The following DOCK9 variants were observed in gnomAD, a reference collection of about 807,000 sequenced individuals.
The protein encoded by DOCK9 is dedicator of cytokinesis 9.
DOCK9 carries 89 observed loss-of-function variants against 263.3 expected under a neutral mutation model. The ratio of observed to expected loss-of-function variants is 0.34; its 90% CI spans 0.28 to 0.40. The LOEUF is 0.40. Ranked by LOEUF, DOCK9 falls within the 10% of genes least tolerant of loss-of-function variation. The probability of loss-of-function intolerance (pLI) is 1.00; values close to 1 mark genes in which losing one functional copy is unlikely to be tolerated. For missense variants in DOCK9, 2,140 were observed against 2,603.4 expected, an observed-to-expected ratio of 0.82 and a Z score of 3.87; for synonymous variants, 976 against 973.1, an observed-to-expected ratio of 1.00 and a Z score of -0.06.
chr13:98,989,736 G>A (rs1879378788), intron 1 of DOCK9, among the ~76,000 whole-genome samples: 1 of 152,248 alleles, frequency 6.6e-6, no homozygotes, highest in Non-Finnish European at 1.5e-5. Context: ...TATTCCAAAT[G>A]CCATGGTAGA....
chr13:98,857,202 G>C (rs1006617371), intron 33 of DOCK9: 1 of 152,256 alleles, frequency 6.6e-6, no homozygotes, highest in Admixed American at 6.5e-5. Flanking sequence ...TCTGGCAGCT[G>C]TGAGCACACA....
chr13:98,848,580 G>A lies in DOCK9; in HGVS notation c.4061+12C>T, dbSNP rs748789425. 9.9e-6 allele frequency: 16 copies of A among 1,609,594 alleles called. No individual in the cohort carries two copies. The highest frequency in any genetic ancestry group is 8.4e-5 in the Admixed American group (5 of 59,588). ...AAAACAACACGTTTCGAATGAAAAC[G>A]CCCCACAGTACCTGGCTATGTATCG... On this transcript the variant is annotated intron_variant, in intron 37 of 52. Transcript: ENST00000682017.
chr13:99,026,318 G>T (rs971668013), intron 1 of DOCK9, among the ~76,000 whole-genome samples: 2 of 152,152 alleles, frequency 1.3e-5, no homozygotes, highest in African/African-American at 2.4e-5. Flanking sequence ...AAACAAGACA[G>T]CACATATCAG....
chr13:98,884,047 G>T, intron 21 of DOCK9, 148 bp from the exon 22 acceptor site: 1 of 593,958 alleles, frequency 1.7e-6, no homozygotes. Context: ...TGGCAGGAAT[G>T]CAGCTGATAC....
At chr13:99,086,285 G>C (rs1424390998) in exon 1 of DOCK9, 1 of 1,495,164 alleles carries the variant, frequency 6.7e-7, no homozygotes, top group East Asian at 2.9e-5. Context: ...GCCGTGCCCG[G>C]CTTACTCAGC....
intron 9 of DOCK9, among the ~76,000 whole-genome samples, chr13:98,913,711 C>T (rs1297978083): frequency 2.0e-5 from 3 of 151,968 alleles, no homozygotes; most frequent in South Asian, 2.1e-4. Flanking sequence ...CAACTATAAC[C>T]GATGTTTTAT....
At chr13:99,017,332 G>C (rs1302606183) in intron 1 of DOCK9, among the ~76,000 whole-genome samples, 2 of 152,194 alleles carry the variant, frequency 1.3e-5, no homozygotes, top group East Asian at 1.9e-4. Context: ...TTAAATGTCA[G>C]TTTTGAGAAT....
intron 32 of DOCK9, 102 bp from the exon 33 acceptor site, chr13:98,860,624 T>C: frequency 9.1e-7 from 1 of 1,097,130 alleles, no homozygotes; most frequent in Admixed American, 2.5e-5. Context: ...GACAGCCTGA[T>C]GCATTCAACG....
intron 1 of DOCK9, among the ~76,000 whole-genome samples, chr13:99,079,336 TTACAG>T (rs10604012): frequency 0.28 from 42,231 of 151,818 alleles, 6,217 homozygotes; most frequent in East Asian, 0.43. Context: ...GGGTGTGAAG[TTACAG>T]TGCCAAGCTT....
chr13:98,888,419 T>C lies in DOCK9; in HGVS notation c.1918A>G (p.Asn640Asp). Residue 640 changes from asparagine to aspartate, a missense_variant, in exon 17 of 53, where the codon AAT (asparagine) becomes GAT (aspartate). Physicochemically the swap from Asn to Asp is conservative, Grantham distance 23. Around this residue, in one of 2 missense-constraint regions of DOCK9, gnomAD observed 1,521 missense variants for 1,741.7 expected, o/e 0.87. Coordinates refer to ENST00000682017, the MANE Select transcript of DOCK9 (RefSeq NM_001366683.2). ...TACTTAGGATAAACGTAAAGGTGAT[T>C]GGTGTAGATGGTGTAAGGCTGAGTG... ...KHTQPYTIYTNHLYVYPKYLK... is the reference protein window; with the variant it reads ...KHTQPYTIYTDHLYVYPKYLK... 3 of 1,614,008 alleles carry C rather than the reference T, an allele frequency of 1.9e-6. No individual in the cohort carries two copies. Among genetic ancestry groups the C allele is most frequent in the Non-Finnish European group, 2.5e-6 (3 of 1,179,866 alleles).
At chr13:99,082,568 A>T (rs9513545) in intron 1 of DOCK9, among the ~76,000 whole-genome samples, 2,045 of 33,492 alleles carry the variant, frequency 0.061, 29 homozygotes, top group East Asian at 0.099. Flanking sequence ...AATAAATAAA[A>T]AAAAACAGCT....
rs567787053 is a variant in DOCK9 at position 98,831,501 on chromosome 13, C to T, written c.4482G>A (p.Ala1494=). ...KFPSTFYEGR[A]DMCAALCYEI... is the part of the protein sequence containing the mutation. ...CGTAACACAGAGCCGCACACATGTC[C>T]GCTCTCCCTTCATAGAATGTTGAGG... The change falls in exon 41 of 53, where the codon GCG becomes GCA. Residue 1494 remains alanine, a synonymous_variant. Coordinates refer to ENST00000682017, the MANE Select transcript of DOCK9 (RefSeq NM_001366683.2). 22 of 1,588,608 alleles carry T rather than the reference C, an allele frequency of 1.4e-5. No homozygotes were observed. In the East Asian group the frequency reaches 2.1e-4, roughly 15 times the overall value.
At chr13:98,966,354 C>T (rs1476363080) in intron 1 of DOCK9, among the ~76,000 whole-genome samples, 2 of 152,226 alleles carry the variant, frequency 1.3e-5, no homozygotes, top group East Asian at 1.9e-4. Flanking sequence ...CTGCAGTGGG[C>T]CCAGCATGTG....
intron 27 of DOCK9, among the ~76,000 whole-genome samples, chr13:98,878,217 A>T (rs962208290): frequency 5.9e-5 from 9 of 152,240 alleles, no homozygotes; most frequent in Non-Finnish European, 1.2e-4. Flanking sequence ...CTCAATTGTT[A>T]TAAAATAAAT....
intron 27 of DOCK9, among the ~76,000 whole-genome samples, chr13:98,877,794 T>C (rs930598623): frequency 6.6e-6 from 1 of 152,192 alleles, no homozygotes; most frequent in Admixed American, 6.5e-5. Context: ...TTTGTAATCC[T>C]TGGCACCTCA....
chr13:98,831,536 C>T lies in DOCK9; in HGVS notation c.4453-6G>A. On this transcript the variant is annotated splice_polypyrimidine_tract_variant and splice_region_variant and intron_variant, in intron 40 of 52. Coordinates refer to ENST00000682017, the MANE Select transcript of DOCK9 (RefSeq NM_001366683.2). ...TCATAGAATGTTGAGGGAAACTAGACAGGATGAGAGGAAGCAGCAGATAAA... is the reference window on the plus strand; with the variant it reads ...TCATAGAATGTTGAGGGAAACTAGATAGGATGAGAGGAAGCAGCAGATAAA... The T allele has an allele frequency of 6.3e-7, 1 of 1,585,776 alleles. No homozygotes were observed. The highest frequency in any genetic ancestry group is 8.6e-7 in the Non-Finnish European group (1 of 1,165,252).
chr13:99,080,177 G>C (rs2042072156), intron 1 of DOCK9, among the ~76,000 whole-genome samples: 1 of 152,016 alleles, frequency 6.6e-6, no homozygotes, highest in African/African-American at 2.4e-5. Context: ...GTAAGGTAGG[G>C]CTCCAACATT....
At chr13:98,813,537 G>T (rs75905642) in intron 45 of DOCK9, among the ~76,000 whole-genome samples, 3 of 152,126 alleles carry the variant, frequency 2.0e-5, no homozygotes, top group Admixed American at 1.3e-4. Flanking sequence ...TTTCAATGCA[G>T]AGCCAGCTAT....
rs189233016 is a variant in DOCK9 at position 98,825,064 on chromosome 13, G to A, written c.5024-560C>T. On this transcript the variant is annotated intron_variant, in intron 44 of 52. Coordinates refer to ENST00000682017, the MANE Select transcript of DOCK9 (RefSeq NM_001366683.2). This position sits in a 1 kb window ranked among gnomAD's most constrained non-coding sequence, Gnocchi z 4.1. ...AGCTGGTTCCCACCCCAGAGGCCCC[G>A]GGGTGGGTGGCTGGCTGCATCAACA... 2.5e-3 allele frequency among the ~76,000 whole-genome samples: 374 copies of A among 152,284 alleles called. 3 individuals carry two copies. The highest frequency in any genetic ancestry group is 3.8e-3 in the Non-Finnish European group (260 of 68,030).
Sources: allele counts gnomAD v4.1 joint callset (sites outside exome capture counted in the v4.1 genomes callset), GRCh38; gene constraint gnomAD v4.1.1; regional missense constraint gnomAD v4.1.1; non-coding constraint Gnocchi (gnomAD v3.1); transcripts MANE v1.5; gene names NCBI Gene and HGNC (gene_info 2026-07-23, HGNC 2026-07-21).